The following UVRAG variants were observed in gnomAD, a reference collection of about 807,000 sequenced individuals.
UVRAG encodes the protein UV radiation resistance-associated gene protein.
Under a neutral mutation model 78.0 loss-of-function variants are expected in UVRAG, and 19 were observed. That is an observed-to-expected ratio of 0.24 (90% CI 0.17 to 0.36). The LOEUF (loss-of-function observed/expected upper bound fraction) is 0.36, where lower values mean the gene tolerates loss of function less well. Ranked by LOEUF, UVRAG falls within the 10% of genes least tolerant of loss-of-function variation. The pLI is 1.00. For synonymous variants in UVRAG, 323 were observed against 324.6 expected (o/e 1.00, Z 0.05); for missense variants, 740 against 853.8 (o/e 0.87, Z 1.66).
In UVRAG at chr11:76,050,888, T is replaced by C. The variant is rs569697309; in HGVS notation, c.1227-14822T>C. Among the ~76,000 whole-genome samples the C allele has an allele frequency of 2.0e-5, 3 of 152,304 alleles. No individual in the cohort carries two copies. In the South Asian group the frequency reaches 6.2e-4, roughly 32 times the overall value. On this transcript the variant is annotated intron_variant, in intron 12 of 14. Coordinates refer to ENST00000356136, the MANE Select transcript of UVRAG (RefSeq NM_003369.4). ...AGCATGTTCTAGTTCATACCACAAG[T>C]GAATAACAAAGTTCTGTCCCTCTGA... is the stretch of plus-strand genomic sequence containing the variant.
chr11:76,125,733 A>T (rs185248748), intron 14 of UVRAG, among the ~76,000 whole-genome samples: 1 of 152,162 alleles, frequency 6.6e-6, no homozygotes, highest in African/African-American at 2.4e-5. Flanking sequence ...CCTTTTGATT[A>T]TAAAATAGTA....
chr11:75,831,157 A>T (rs977026885), intron 1 of UVRAG, among the ~76,000 whole-genome samples: 11 of 152,206 alleles, frequency 7.2e-5, no homozygotes, highest in African/African-American at 2.7e-4. Context: ...GGCACTGAAG[A>T]TACAGGATAA....
At chr11:75,910,655 AGGG>A (rs747159234) in intron 5 of UVRAG, among the ~76,000 whole-genome samples, 49 of 151,872 alleles carry the variant, frequency 3.2e-4, no homozygotes, top group Non-Finnish European at 5.6e-4. Flanking sequence ...TTATCAAGAC[AGGG>A]GAATTGCAAT....
chr11:75,871,573 C>T lies in UVRAG; in HGVS notation c.271-8306C>T, dbSNP rs567442069. ...TGCTCGGATTACAGGCACGAGCCAC[C>T]GCGCCCGGACTGCATCTGCTCTTTT... On this transcript the variant is annotated intron_variant, in intron 3 of 14. Coordinates refer to ENST00000356136, the MANE Select transcript of UVRAG (RefSeq NM_003369.4). 2.8e-4 allele frequency among the ~76,000 whole-genome samples: 42 copies of T among 152,176 alleles called. No homozygotes were observed. The South Asian group carries it at 5.2e-3, about 19-fold the overall frequency.
At chr11:76,053,320 C>CAA (rs1435291191) in intron 12 of UVRAG, among the ~76,000 whole-genome samples, 1 of 150,908 alleles carries the variant, frequency 6.6e-6, no homozygotes, top group African/African-American at 2.4e-5. Context: ...CACACACACA[C>CAA]ACACACACAC....
At chr11:75,967,394 G>A (rs1039222139) in intron 7 of UVRAG, among the ~76,000 whole-genome samples, 1 of 152,144 alleles carries the variant, frequency 6.6e-6, no homozygotes, top group Non-Finnish European at 1.5e-5. Flanking sequence ...TTTCTTAGTG[G>A]TTGACTAGGT....
chr11:76,061,699 C>T (rs1241360017), intron 12 of UVRAG, among the ~76,000 whole-genome samples: 2 of 151,924 alleles, frequency 1.3e-5, no homozygotes, highest in African/African-American at 4.8e-5. Context: ...ACTCCCAACA[C>T]ATCCGAACAT....
chr11:76,141,827 C>T lies in UVRAG; in HGVS notation c.*414C>T, dbSNP rs758360887. The T allele has an allele frequency of 1.6e-5, 3 of 183,430 alleles. No individual in the cohort carries two copies. The highest frequency in any genetic ancestry group is 1.5e-4 in the East Asian group (1 of 6,694). The allele number at this position is 183,430 out of a possible 1,614,324, so 11.4% of individuals were successfully genotyped here. A position where few individuals can be genotyped will look rare whatever the true frequency, so the allele number is the denominator to read the frequency against. On this transcript the variant is annotated 3_prime_UTR_variant, in exon 15 of 15. Transcript: ENST00000356136. ...CATGGTTTATAAAACTTTGGGAAAACGGAATATTCAGAAATAGGTTTCCGC... is the reference window on the plus strand; with the variant it reads ...CATGGTTTATAAAACTTTGGGAAAATGGAATATTCAGAAATAGGTTTCCGC...
chr11:75,815,640 C>G (rs893942100), intron 1 of UVRAG, 116 bp downstream of exon 1: 1 of 554,666 alleles, frequency 1.8e-6, no homozygotes, highest in South Asian at 9.7e-5. Flanking sequence ...ACCCGGAGGG[C>G]TCGCGGGACT....
chr11:76,003,069 G>C (rs1949848129), intron 8 of UVRAG, among the ~76,000 whole-genome samples: 1 of 151,106 alleles, frequency 6.6e-6, no homozygotes. Flanking sequence ...CAGAAACCCT[G>C]TCTAAAAAAA....
rs1383987022 is a variant in UVRAG at position 76,142,055 on chromosome 11, T to C, written c.*642T>C. On this transcript the variant is annotated 3_prime_UTR_variant, in exon 15 of 15. Coordinates refer to ENST00000356136, the MANE Select transcript of UVRAG (RefSeq NM_003369.4). ...CAGATTCACTGGTTCTGTAACCCAGTAGCTGTGACGTTCCATCTCTTCTAA... is the reference window on the plus strand; with the variant it reads ...CAGATTCACTGGTTCTGTAACCCAGCAGCTGTGACGTTCCATCTCTTCTAA... 1.3e-5 allele frequency: 2 copies of C among 152,444 alleles called. No individual in the cohort carries two copies. The highest frequency in any genetic ancestry group is 2.4e-5 in the African/African-American group (1 of 41,460). 9.4% of individuals were successfully genotyped at this position (152,444 alleles called of 1,614,324 possible). A position where few individuals can be genotyped will look rare whatever the true frequency, so the allele number is the denominator to read the frequency against.
chr11:75,986,869 T>C (rs1420682582), intron 8 of UVRAG, among the ~76,000 whole-genome samples: 1 of 152,140 alleles, frequency 6.6e-6, no homozygotes. Context: ...TTGTGGTCTT[T>C]TATGACCAAC....
At chr11:75,935,059 T>G (rs1438431657) in intron 6 of UVRAG, 3 of 152,160 alleles carry the variant, frequency 2.0e-5, no homozygotes, top group Admixed American at 2.0e-4. Flanking sequence ...ACTATACAAT[T>G]TAAAAGGTAT....
At chr11:76,115,461 A>T (rs73001589) in intron 13 of UVRAG, among the ~76,000 whole-genome samples, 1,797 of 152,358 alleles carry the variant, frequency 0.012, 27 homozygotes, top group Non-Finnish European at 0.014. Context: ...TGAATACAAG[A>T]TGGTCCTTAC....
intron 13 of UVRAG, among the ~76,000 whole-genome samples, chr11:76,115,194 G>A (rs902240003): frequency 2.6e-5 from 4 of 152,154 alleles, no homozygotes; most frequent in Middle Eastern, 3.2e-3. Context: ...CTTATCCAGA[G>A]TACTCAGAAG....
At chr11:75,855,453 A>G (rs998029910) in intron 2 of UVRAG, among the ~76,000 whole-genome samples, 8 of 152,338 alleles carry the variant, frequency 5.3e-5, no homozygotes, top group African/African-American at 1.4e-4. Flanking sequence ...CCAAAATGTC[A>G]TGGTTGAGTG....
intron 12 of UVRAG, among the ~76,000 whole-genome samples, chr11:76,044,518 T>C (rs1305724882): frequency 6.6e-6 from 1 of 152,206 alleles, no homozygotes; most frequent in Non-Finnish European, 1.5e-5. Flanking sequence ...ACGGCTGTAA[T>C]CCCAGCACTT....
At chr11:76,136,547 C>T (rs754874532) in intron 14 of UVRAG, among the ~76,000 whole-genome samples, 5 of 144,858 alleles carry the variant, frequency 3.5e-5, no homozygotes, top group African/African-American at 2.6e-5. Context: ...CTTGCTCTGT[C>T]GTCCAGGCTA....
chr11:75,921,659 T>A (rs925543266), intron 6 of UVRAG, among the ~76,000 whole-genome samples: 6 of 152,002 alleles, frequency 3.9e-5, no homozygotes, highest in Admixed American at 6.5e-5. Flanking sequence ...TTTTACTTTT[T>A]AAATTAAATA....
Sources: allele counts gnomAD v4.1 joint callset (sites outside exome capture counted in the v4.1 genomes callset), GRCh38; gene constraint gnomAD v4.1.1; transcripts MANE v1.5; gene names NCBI Gene and HGNC (gene_info 2026-07-23, HGNC 2026-07-21).